The following CDKN1B variants were observed in gnomAD, a reference collection of about 807,000 sequenced individuals.
CDKN1B encodes cyclin dependent kinase inhibitor 1B, also known as cyclin-dependent kinase inhibitor 1B.
A neutral mutation model predicts 17.1 loss-of-function variants in CDKN1B; 7 were observed. The observed-to-expected ratio is 0.41, with a 90% CI of 0.23 to 0.77. The LOEUF is 0.77. Ranked by LOEUF, CDKN1B falls within the 30% of genes least tolerant of loss-of-function variation. The pLI is 0.33. For missense variants in CDKN1B, 337 were observed against 262.0 expected (o/e 1.29, Z -1.98); for synonymous variants, 149 against 104.3 (o/e 1.43, Z -2.61).
intron 2 of CDKN1B, among the ~76,000 whole-genome samples, chr12:12,719,853 C>G (rs1380683221): frequency 6.6e-6 from 1 of 152,212 alleles, no homozygotes; most frequent in Non-Finnish European, 1.5e-5. Flanking sequence ...AGATAACCAA[C>G]ATGGGTTGGT....
chr12:12,719,205 G>A, intron 2 of CDKN1B: 1 of 483,692 alleles, frequency 2.1e-6, no homozygotes, highest in South Asian at 2.1e-5. Flanking sequence ...CATCGGGTAG[G>A]AAGGTCGTTT....
chr12:12,718,349 G>A, intron 1 of CDKN1B, 35 bp downstream of exon 1: 4 of 1,581,850 alleles, frequency 2.5e-6, no homozygotes, highest in Non-Finnish European at 3.4e-6. Context: ...AATGTGTTTG[G>A]GGCCCCGCTT....
rs1946482759 is a variant in CDKN1B at position 12,717,749 on chromosome 12, AGG to A, written c.-88_-87del. 6.3e-7 allele frequency: 1 copy of A among 1,595,078 alleles called. No individual in the cohort carries two copies. The highest frequency in any genetic ancestry group is 8.5e-7 in the Non-Finnish European group (1 of 1,177,662). Reference sequence around the variant, plus strand: ...CGAGGGCAGTCGCTGGGCTTCCGAGAGGGGTTCGGGCTGCGTAGGGGCGCTTT... The same window carrying A: ...CGAGGGCAGTCGCTGGGCTTCCGAGAGGTTCGGGCTGCGTAGGGGCGCTTT... On this transcript the variant is annotated 5_prime_UTR_variant, in exon 1 of 3. Coordinates refer to ENST00000228872, the MANE Select transcript of CDKN1B (RefSeq NM_004064.5).
Position 12,718,231 on chromosome 12 carries a change from T to G in CDKN1B, c.392T>G (p.Val131Gly). The G allele has an allele frequency of 2.5e-6, 4 of 1,612,514 alleles. No individual in the cohort carries two copies. Among genetic ancestry groups the G allele is most frequent in the Non-Finnish European group, 2.5e-6 (3 of 1,179,994 alleles). The change falls in exon 1 of 3, where the codon GTG (valine) becomes GGG (glycine). Residue 131 changes from valine (V) to glycine (G), a missense_variant. Val to Gly is a moderately radical substitution (Grantham distance 109). Coordinates refer to ENST00000228872, the MANE Select transcript of CDKN1B (RefSeq NM_004064.5). ...APANSEDTHL[V>G]DPKTDPSDSQ... ...GCTAACTCTGAGGACACGCATTTGG[T>G]GGACCCAAAGACTGATCCGTCGGAC...
intron 1 of CDKN1B, 49 bp downstream of exon 1, chr12:12,718,363 C>T (rs201914302): frequency 1.2e-4 from 176 of 1,514,250 alleles, no homozygotes; most frequent in African/African-American, 9.2e-4. Context: ...CCCGCTTTGC[C>T]TGCTGGAGGG....
Position 12,718,811 on chromosome 12 carries a change from T to G in CDKN1B, c.476-14T>G. On this transcript the variant is annotated splice_polypyrimidine_tract_variant and intron_variant, in intron 1 of 2. Coordinates refer to ENST00000228872, the MANE Select transcript of CDKN1B (RefSeq NM_004064.5). ...AGATTGTGTGTTCTTTTTAAAAATT[T>G]CCCCTGCGCTTAGATTCTTCTACTC... 6.2e-7 allele frequency: 1 copy of G among 1,613,986 alleles called. No homozygotes were observed. The highest frequency in any genetic ancestry group is 1.1e-5 in the South Asian group (1 of 91,076).
At chr12:12,719,913 C>A (rs1419605407) in intron 2 of CDKN1B, among the ~76,000 whole-genome samples, 1 of 152,084 alleles carries the variant, frequency 6.6e-6, no homozygotes, top group Non-Finnish European at 1.5e-5. Context: ...TCCTTTAGAC[C>A]AAGACTGTGA....
chr12:12,720,024 A>G (rs758528800), intron 2 of CDKN1B, among the ~76,000 whole-genome samples: 4 of 152,244 alleles, frequency 2.6e-5, no homozygotes, highest in Non-Finnish European at 5.9e-5. Flanking sequence ...TTAAAATAAC[A>G]GGGATTAAGG....
chr12:12,719,599 T>C (rs1946521627), intron 2 of CDKN1B: 1 of 152,680 alleles, frequency 6.5e-6, no homozygotes, highest in Non-Finnish European at 1.5e-5. Context: ...CTACAGAATT[T>C]CTGGTAACAC....
chr12:12,721,073 C>A lies in CDKN1B; in HGVS notation c.*46C>A. The A allele has an allele frequency of 1.3e-6, 1 of 758,764 alleles. No individual in the cohort carries two copies. Among genetic ancestry groups the A allele is most frequent in the Admixed American group, 1.8e-5 (1 of 55,088 alleles). 47.0% of individuals were successfully genotyped at this position (758,764 alleles called of 1,614,324 possible). ...GTTTCCTTGTTTATCAGATACATCA[C>A]TGCTTGATGAAGCAAGGAAGATATA... On this transcript the variant is annotated 3_prime_UTR_variant, in exon 3 of 3. Coordinates refer to ENST00000228872, the MANE Select transcript of CDKN1B (RefSeq NM_004064.5).
Position 12,718,521 on chromosome 12 carries a change from T to G in CDKN1B, c.475+207T>G, listed in dbSNP as rs548537459. On this transcript the variant is annotated intron_variant, in intron 1 of 2. Coordinates refer to ENST00000228872, the MANE Select transcript of CDKN1B (RefSeq NM_004064.5). ...AACTGGAGATGGTAAGATCCGATAA[T>G]TTCCCTAACTTAATACATCGCGGTC... Among the ~76,000 whole-genome samples the G allele has an allele frequency of 4.6e-5, 7 of 152,274 alleles. No individual in the cohort carries two copies. The South Asian group carries it at 1.2e-3, about 27-fold the overall frequency.
At chr12:12,718,751 G>T (rs1341156742) in intron 1 of CDKN1B, 74 bp from the exon 2 acceptor site, 1 of 1,581,534 alleles carries the variant, frequency 6.3e-7, no homozygotes, top group African/African-American at 1.3e-5. Flanking sequence ...CTGACTATGG[G>T]GCCAACTTCT....
At chr12:12,718,449 A>G in intron 1 of CDKN1B, 135 bp downstream of exon 1, 1 of 794,612 alleles carries the variant, frequency 1.3e-6, no homozygotes, top group Non-Finnish European at 2.1e-6. Context: ...TTAGGTGTTC[A>G]GTGCTACCTG....
At position 12,717,764 on chromosome 12, in the gene CDKN1B, G is replaced by C. The variant is rs1312128096; in HGVS notation, c.-76G>C. 1.2e-6 allele frequency: 2 copies of C among 1,602,684 alleles called. No homozygotes were observed. Among genetic ancestry groups the C allele is most frequent in the Non-Finnish European group, 1.7e-6 (2 of 1,179,376 alleles). The stretch of plus-strand genomic sequence containing the variant: ...GGCTTCCGAGAGGGGTTCGGGCTGC[G>C]TAGGGGCGCTTTGTTTTGTTCGGTT... On this transcript the variant is annotated 5_prime_UTR_variant, in exon 1 of 3. Coordinates refer to ENST00000228872, the MANE Select transcript of CDKN1B (RefSeq NM_004064.5).
rs944811759 is a variant in CDKN1B at position 12,722,193 on chromosome 12, T to C, written c.*1166T>C. On this transcript the variant is annotated 3_prime_UTR_variant, in exon 3 of 3. Transcript: ENST00000228872. ...ACAATATACAAGCCAAAGTGGCATG[T>C]TTTGTGCATTTGTAAATGCTGTGTT... 1 of 152,656 alleles carries C rather than the reference T, an allele frequency of 6.6e-6. No individual in the cohort carries two copies. Among genetic ancestry groups the C allele is most frequent in the Non-Finnish European group, 1.5e-5 (1 of 68,036 alleles). 9.5% of individuals were successfully genotyped at this position (152,656 alleles called of 1,614,324 possible).
chr12:12,722,109 G>A lies in CDKN1B; in HGVS notation c.*1082G>A, dbSNP rs1015170720. The A allele has an allele frequency of 6.6e-6, 1 of 152,338 alleles. No homozygotes were observed. The highest frequency in any genetic ancestry group is 2.4e-5 in the African/African-American group (1 of 41,440). The allele number at this position is 152,338 out of a possible 1,614,324, so 9.4% of individuals were successfully genotyped here. A position where few individuals can be genotyped will look rare whatever the true frequency, so the allele number is the denominator to read the frequency against. ...GAAGTGTACCTGTGTACATAACTCT[G>A]TAAAAACACTGAAAAATTATACTAA... On this transcript the variant is annotated 3_prime_UTR_variant, in exon 3 of 3. Transcript: ENST00000228872.
At position 12,721,301 on chromosome 12, in the gene CDKN1B, A is replaced by T; in HGVS notation, c.*274A>T. On this transcript the variant is annotated 3_prime_UTR_variant, in exon 3 of 3. Transcript: ENST00000228872. ...CCTGTGTATATAGTTTTTACCTTTT[A>T]TGTAGCACATAAACTTTGGGGAAGG... 2.2e-5 allele frequency: 5 copies of T among 231,144 alleles called. No individual in the cohort carries two copies. The highest frequency in any genetic ancestry group is 4.7e-5 in the Non-Finnish European group (5 of 106,998). 14.3% of individuals were successfully genotyped at this position (231,144 alleles called of 1,614,324 possible). A position where few individuals can be genotyped will look rare whatever the true frequency, so the allele number is the denominator to read the frequency against.
intron 2 of CDKN1B, among the ~76,000 whole-genome samples, chr12:12,719,979 G>A (rs1946525817): frequency 6.6e-6 from 1 of 152,170 alleles, no homozygotes; most frequent in South Asian, 2.1e-4. Context: ...ATAAAATATT[G>A]ATGTTAACTT....
At chr12:12,718,455 AC>A (rs1253645206) in intron 1 of CDKN1B, 141 bp downstream of exon 1, 1 of 754,420 alleles carries the variant, frequency 1.3e-6, no homozygotes, top group African/African-American at 1.7e-5. Context: ...GTTCAGTGCT[AC>A]CTGGCCCACT....
Sources: allele counts gnomAD v4.1 joint callset (sites outside exome capture counted in the v4.1 genomes callset), GRCh38; gene constraint gnomAD v4.1.1; transcripts MANE v1.5; gene names NCBI Gene and HGNC (gene_info 2026-07-23, HGNC 2026-07-21).